The following CDYL2 variants were observed in gnomAD, a reference collection of about 807,000 sequenced individuals.
CDYL2 encodes the protein chromodomain Y-like protein 2.
CDYL2 carries 23 observed loss-of-function variants against 49.4 expected under a neutral mutation model. That is an observed-to-expected ratio of 0.47 (90% CI 0.34 to 0.66). The LOEUF (loss-of-function observed/expected upper bound fraction) is 0.66, where lower values mean the gene tolerates loss of function less well. Ranked by LOEUF, CDYL2 falls within the 30% of genes least tolerant of loss-of-function variation. CDYL2 has a pLI of 0.01. For missense variants in CDYL2, 678 were observed against 656.4 expected (o/e 1.03, Z -0.36); for synonymous variants, 360 against 268.8 (o/e 1.34, Z -3.32).
At chr16:80,757,538 C>CAAAAAA (rs35826810) in intron 1 of CDYL2, among the ~76,000 whole-genome samples, 1 of 98,364 alleles carries the variant, frequency 1.0e-5, no homozygotes, top group Non-Finnish European at 2.5e-5. Context: ...GACTCTGTCT[C>CAAAAAA]AAAAAAAAAA....
intron 1 of CDYL2, among the ~76,000 whole-genome samples, chr16:80,713,973 A>AGC (rs1173319726): frequency 6.6e-6 from 1 of 152,186 alleles, no homozygotes; most frequent in Non-Finnish European, 1.5e-5. Flanking sequence ...GTCAGCTGCC[A>AGC]GCCTTCAGGT....
chr16:80,674,338 G>A (rs1909653356), intron 2 of CDYL2, among the ~76,000 whole-genome samples: 1 of 152,210 alleles, frequency 6.6e-6, no homozygotes, highest in Non-Finnish European at 1.5e-5. Flanking sequence ...TTCTTGGAGA[G>A]CATTTAGAAG....
intron 2 of CDYL2, among the ~76,000 whole-genome samples, chr16:80,679,579 C>T (rs926963291): frequency 1.3e-5 from 2 of 152,230 alleles, no homozygotes; most frequent in African/African-American, 2.4e-5. Context: ...ACACAAGGTA[C>T]TTTGGAAACT....
At chr16:80,681,046 A>C (rs1909948308) in intron 2 of CDYL2, among the ~76,000 whole-genome samples, 1 of 152,172 alleles carries the variant, frequency 6.6e-6, no homozygotes, top group East Asian at 1.9e-4. Context: ...TGAAACCAAA[A>C]CACCACCCGC....
chr16:80,703,314 C>T (rs1481078686), intron 1 of CDYL2, among the ~76,000 whole-genome samples: 1 of 152,174 alleles, frequency 6.6e-6, no homozygotes, highest in Non-Finnish European at 1.5e-5. Context: ...CACAACTAGA[C>T]TGTGGCCTCC....
intron 1 of CDYL2, among the ~76,000 whole-genome samples, chr16:80,782,530 G>GAAAAAAAAAAA (rs1188248662): frequency 2.8e-5 from 1 of 35,794 alleles, no homozygotes; most frequent in Non-Finnish European, 6.1e-5. Flanking sequence ...GACATAAGGA[G>GAAAAAAAAAAA]AAAAAAAAAA....
At chr16:80,645,642 T>C (rs1024875757) in intron 2 of CDYL2, among the ~76,000 whole-genome samples, 52 of 152,140 alleles carry the variant, frequency 3.4e-4, no homozygotes, top group African/African-American at 1.1e-3. Context: ...TGGGTATATA[T>C]CCAAAGGATT....
chr16:80,740,642 T>C lies in CDYL2; in HGVS notation c.25-55513A>G, dbSNP rs1009223447. Among the ~76,000 whole-genome samples the C allele has an allele frequency of 3.3e-5, 5 of 152,312 alleles. No individual in the cohort carries two copies. In the East Asian group the frequency reaches 9.6e-4, roughly 29 times the overall value. On this transcript the variant is annotated intron_variant, in intron 1 of 6. Coordinates refer to ENST00000570137, the MANE Select transcript of CDYL2 (RefSeq NM_152342.4). ...CCCAAGTGAATGAACTGAAATACTT[T>C]AGAATGAATTTAAATATTCAGAAAG...
chr16:80,616,770 A>T (rs1379724094), intron 4 of CDYL2, among the ~76,000 whole-genome samples: 1 of 152,146 alleles, frequency 6.6e-6, no homozygotes, highest in East Asian at 1.9e-4. Context: ...CATAATAAGA[A>T]CTCCAAGAAC....
intron 1 of CDYL2, among the ~76,000 whole-genome samples, chr16:80,707,564 GC>G (rs1163818489): frequency 6.6e-6 from 1 of 152,182 alleles, no homozygotes; most frequent in African/African-American, 2.4e-5. Flanking sequence ...GACTGTAAAT[GC>G]TCCAGTTGGG....
intron 1 of CDYL2, among the ~76,000 whole-genome samples, chr16:80,692,049 T>C (rs1910437541): frequency 6.6e-6 from 1 of 151,946 alleles, no homozygotes; most frequent in African/African-American, 2.4e-5. Context: ...AAAATGAGAA[T>C]AGATACCTAG....
At chr16:80,623,724 C>G (rs13334543) in intron 3 of CDYL2, among the ~76,000 whole-genome samples, 25,320 of 152,132 alleles carry the variant, frequency 0.17, 6,798 homozygotes, top group African/African-American at 0.57. Flanking sequence ...AAAGTACAGT[C>G]ACTGTGAGAA....
chr16:80,671,214 G>C (rs1403536478), intron 2 of CDYL2, among the ~76,000 whole-genome samples: 5 of 152,224 alleles, frequency 3.3e-5, no homozygotes, highest in Admixed American at 3.3e-4. Context: ...CCTTAATGGA[G>C]AATGTCTATC....
chr16:80,611,593 A>G (rs1906599018), intron 5 of CDYL2, among the ~76,000 whole-genome samples: 1 of 152,170 alleles, frequency 6.6e-6, no homozygotes, highest in Non-Finnish European at 1.5e-5. Context: ...GGACCTATTT[A>G]ATAACAGGCT....
chr16:80,709,279 G>C (rs1904509702), intron 1 of CDYL2, among the ~76,000 whole-genome samples: 1 of 151,500 alleles, frequency 6.6e-6, no homozygotes, highest in Admixed American at 6.6e-5. Context: ...CTACTCAGGA[G>C]ACTGAGGCAA....
intron 1 of CDYL2, among the ~76,000 whole-genome samples, chr16:80,753,571 G>T (rs565914951): frequency 1.3e-5 from 2 of 152,174 alleles, no homozygotes; most frequent in East Asian, 1.9e-4. Context: ...TCGTGCCATT[G>T]TACTACAGCC....
At chr16:80,659,081 A>C (rs1036943386) in intron 2 of CDYL2, among the ~76,000 whole-genome samples, 66 of 150,988 alleles carry the variant, frequency 4.4e-4, no homozygotes, top group African/African-American at 1.5e-3. Context: ...GGATGGATGG[A>C]TGGATGGATG....
In CDYL2 at chr16:80,603,189, G is replaced by C. The variant is rs1046091559; in HGVS notation, c.*1199C>G. ...TTCCCCATCCCCCTGGCCAATACCA[G>C]AAATCACTGATCACATGGAAGCAAC... is the stretch of plus-strand genomic sequence containing the variant. On this transcript the variant is annotated 3_prime_UTR_variant, in exon 7 of 7. Coordinates refer to ENST00000570137, the MANE Select transcript of CDYL2 (RefSeq NM_152342.4). The C allele has an allele frequency of 6.6e-6, 1 of 152,218 alleles. No individual in the cohort carries two copies. The highest frequency in any genetic ancestry group is 2.4e-5 in the African/African-American group (1 of 41,434). 9.4% of individuals were successfully genotyped at this position (152,218 alleles called of 1,614,324 possible).
chr16:80,637,141 G>A (rs1287480688), intron 2 of CDYL2, among the ~76,000 whole-genome samples: 3 of 151,788 alleles, frequency 2.0e-5, no homozygotes, highest in East Asian at 1.9e-4. Flanking sequence ...ACCATGGCAC[G>A]TGTATACTTA....
Sources: gnomAD v4.1 joint callset for allele counts (sites outside exome capture counted in the v4.1 genomes callset) on GRCh38, gnomAD v4.1.1 for gene constraint, MANE v1.5 for transcripts, NCBI Gene and HGNC (gene_info 2026-07-23, HGNC 2026-07-21) for gene names.